PCDHGB2: variants seen among roughly 807,000 people sequenced by gnomAD.
PCDHGB2 encodes the protein protocadherin gamma-B2.
A neutral mutation model predicts 59.3 loss-of-function variants in PCDHGB2; 55 were observed. That is an observed-to-expected ratio of 0.93 (90% CI 0.75 to 1.16). The LOEUF is 1.16. Among genes scored for constraint, PCDHGB2 ranks in the 50% most tolerant of loss-of-function variants. The pLI is 0.00. For missense variants in PCDHGB2, 1,228 were observed against 1,198.5 expected (o/e 1.02, Z -0.36); for synonymous variants, 516 against 512.0 (o/e 1.01, Z -0.11).
Position 141,463,438 on chromosome 5 carries a change from CTTTTTTTTT to C in PCDHGB2, c.2422-31349_2422-31341del, listed in dbSNP as rs71576115. 5.5e-3 allele frequency among the ~76,000 whole-genome samples: 572 copies of C among 103,208 alleles called. 4 individuals carry two copies. The highest frequency in any genetic ancestry group is 8.7e-3 in the Non-Finnish European group (462 of 53,292). The allele number at this position is 103,208 out of a possible 152,430, so 67.7% of individuals were successfully genotyped here. On this transcript the variant is annotated intron_variant, in intron 1 of 3. Transcript: ENST00000522605. ...GTTTGCGGATCCTCATTTCCTTCTC[CTTTTTTTTT>C]TTTTTTTTTTTTTTTTTTTGAGATG...
rs575250872 is a variant in PCDHGB2, at chr5:141,490,163, T to C, written c.2422-4644T>C. ...GGGGCAATCCATGTGTTGGGTCCCA[T>C]AGACTTTGAGGAGTCACGTTTCTAT... On this transcript the variant is annotated intron_variant, in intron 1 of 3. Transcript: ENST00000522605. This position sits in a 1 kb window ranked among gnomAD's most constrained non-coding sequence, Gnocchi z 5.4. 2 of 1,614,234 alleles carry C rather than the reference T, an allele frequency of 1.2e-6. No homozygotes were observed. The highest frequency in any genetic ancestry group is 2.2e-5 in the East Asian group (1 of 44,886).
At chr5:141,394,021 GA>G (rs2092902279) in intron 1 of PCDHGB2, 1 of 1,613,362 alleles carries the variant, frequency 6.2e-7, no homozygotes, top group Non-Finnish European at 8.5e-7. Context: ...AATTATTATA[GA>G]TTAGTGACAA....
chr5:141,458,612 C>T (rs1381385841), intron 1 of PCDHGB2, among the ~76,000 whole-genome samples: 1 of 152,084 alleles, frequency 6.6e-6, no homozygotes, highest in Non-Finnish European at 1.5e-5. Flanking sequence ...CTCTGTCAGC[C>T]AGGCTGGAGT....
chr5:141,432,481 C>G lies in PCDHGB2; in HGVS notation c.2422-62326C>G. 6.2e-7 allele frequency: 1 copy of G among 1,614,198 alleles called. No homozygotes were observed. On this transcript the variant is annotated intron_variant, in intron 1 of 3. Coordinates refer to ENST00000522605, the MANE Select transcript of PCDHGB2 (RefSeq NM_018923.3). This position sits in a 1 kb window ranked among gnomAD's most constrained non-coding sequence, Gnocchi z 6.0. ...CCCTCCCCACGGACGGTTCCACTGG[C>G]GTGGAGCTGGCTCCCCGCTCCGCAG...
At chr5:141,455,605 T>C (rs930071553) in intron 1 of PCDHGB2, among the ~76,000 whole-genome samples, 2 of 152,098 alleles carry the variant, frequency 1.3e-5, no homozygotes, top group African/African-American at 4.8e-5. Flanking sequence ...TAGGGCGCCA[T>C]GGATGTTCTA....
At chr5:141,364,591 G>A (rs754833725) in intron 1 of PCDHGB2, 1 of 1,614,194 alleles carries the variant, frequency 6.2e-7, no homozygotes, top group Non-Finnish European at 8.5e-7. Flanking sequence ...TGGTCACCGC[G>A]GGCAGGATAG....
At chr5:141,393,319 G>A (rs2092728293) in intron 1 of PCDHGB2, 1 of 1,612,192 alleles carries the variant, frequency 6.2e-7, no homozygotes, top group Admixed American at 1.7e-5. Flanking sequence ...TCCCTCCAGA[G>A]CTACCAGCTC....
In PCDHGB2 at chr5:141,490,023, G is replaced by A. The variant is rs1306715385; in HGVS notation, c.2422-4784G>A. The A allele has an allele frequency of 1.2e-6, 2 of 1,614,134 alleles. No homozygotes were observed. Among genetic ancestry groups the A allele is most frequent in the Non-Finnish European group, 1.7e-6 (2 of 1,180,060 alleles). On this transcript the variant is annotated intron_variant, in intron 1 of 3. Transcript: ENST00000522605. This position sits in a 1 kb window ranked among gnomAD's most constrained non-coding sequence, Gnocchi z 5.4. ...AGAATGCACCCATTGGTACTCTGCT[G>A]CTCCGCCTCAATGCCACTGATCCAG... is the stretch of plus-strand genomic sequence containing the variant.
chr5:141,490,454 C>T lies in PCDHGB2; in HGVS notation c.2422-4353C>T. The T allele has an allele frequency of 3.1e-6, 5 of 1,614,176 alleles. No homozygotes were observed. The highest frequency in any genetic ancestry group is 4.2e-6 in the Non-Finnish European group (5 of 1,180,020). On this transcript the variant is annotated intron_variant, in intron 1 of 3. Transcript: ENST00000522605. The surrounding 1 kb of genome is among the most constrained non-coding windows in gnomAD (Gnocchi z 5.4). The stretch of plus-strand genomic sequence containing the variant: ...ATTAAGCCTTCTGAGAACCACTACT[C>T]GCTGCTAACCAGCCAGCCTTTGGAC...
Position 141,375,902 on chromosome 5 carries a change from C to A in PCDHGB2, c.2421+13346C>A. The stretch of plus-strand genomic sequence containing the variant: ...GGGCCAGAACGCCTGGCTGTCCTAC[C>A]GCCTGCTCAAGGCCAGCGAGCCAGG... On this transcript the variant is annotated intron_variant, in intron 1 of 3. Coordinates refer to ENST00000522605, the MANE Select transcript of PCDHGB2 (RefSeq NM_018923.3). 5 of 1,613,784 alleles carry A rather than the reference C, an allele frequency of 3.1e-6. No individual in the cohort carries two copies. The Admixed American group carries it at 5.0e-5, about 16-fold the overall frequency.
At chr5:141,384,048 C>T in intron 1 of PCDHGB2, 2 of 1,611,890 alleles carry the variant, frequency 1.2e-6, no homozygotes, top group Non-Finnish European at 1.7e-6. Context: ...GTGAGGTGAC[C>T]TGCACCATTC....
intron 3 of PCDHGB2, 79 bp downstream of exon 3, chr5:141,505,560 G>A: frequency 6.2e-7 from 1 of 1,604,768 alleles, no homozygotes; most frequent in South Asian, 1.1e-5. Context: ...CATGCCCACG[G>A]ACTGGATGTC....
chr5:141,392,735 C>T, intron 1 of PCDHGB2: 1 of 1,428,540 alleles, frequency 7.0e-7, no homozygotes, highest in East Asian at 2.5e-5. Context: ...ATTGTCATCT[C>T]CATAGCTGCG....
intron 1 of PCDHGB2, chr5:141,372,960 G>T (rs1769206598): frequency 1.4e-6 from 1 of 709,456 alleles, no homozygotes; most frequent in Non-Finnish European, 2.2e-6. Context: ...ATTCTTTGTA[G>T]AATTTCCTGT....
In PCDHGB2 at chr5:141,370,973, G is replaced by T. The variant is rs763236238; in HGVS notation, c.2421+8417G>T. ...ACCTGGATGGCAGTAGGTACCCAGA[G>T]CTAGTACTGAAAGCACCCCTGGACA... is the stretch of plus-strand genomic sequence containing the variant. On this transcript the variant is annotated intron_variant, in intron 1 of 3. Coordinates refer to ENST00000522605, the MANE Select transcript of PCDHGB2 (RefSeq NM_018923.3). 9.3e-6 allele frequency: 15 copies of T among 1,614,010 alleles called. No individual in the cohort carries two copies. Among genetic ancestry groups the T allele is most frequent in the Admixed American group, 1.7e-5 (1 of 60,024 alleles).
intron 1 of PCDHGB2, among the ~76,000 whole-genome samples, chr5:141,448,115 T>A (rs62379166): frequency 0.025 from 3,743 of 151,768 alleles, 65 homozygotes; most frequent in Middle Eastern, 0.086. Flanking sequence ...GAAAAGAAAA[T>A]TAGCCTCCCC....
chr5:141,420,934 C>T, intron 1 of PCDHGB2: 1 of 377,936 alleles, frequency 2.6e-6, no homozygotes, highest in South Asian at 5.3e-5. Context: ...TGAGCGTAAT[C>T]ATTTCTTCTG....
intron 1 of PCDHGB2, chr5:141,419,399 G>T (rs893535249): frequency 6.2e-7 from 1 of 1,613,470 alleles, no homozygotes. Context: ...GAGCGGGGTG[G>T]TGTTCGCGCA....
chr5:141,400,543 T>C (rs2094038969), intron 1 of PCDHGB2: 1 of 1,613,794 alleles, frequency 6.2e-7, no homozygotes. Flanking sequence ...CATTTATGTC[T>C]ATTCTTTTTC....
Sources: allele counts gnomAD v4.1 joint callset (sites outside exome capture counted in the v4.1 genomes callset), GRCh38; gene constraint gnomAD v4.1.1; non-coding constraint Gnocchi (gnomAD v3.1); transcripts MANE v1.5; gene names NCBI Gene and HGNC (gene_info 2026-07-23, HGNC 2026-07-21).